Variants in SLCO1B1 observed in about 807,000 individuals in gnomAD.
SLCO1B1 encodes the protein solute carrier organic anion transporter family member 1B1.
A neutral mutation model predicts 70.1 loss-of-function variants in SLCO1B1; 81 were observed. The observed-to-expected ratio is 1.16, with a 90% CI of 0.97 to 1.39. The LOEUF (loss-of-function observed/expected upper bound fraction) is 1.39. SLCO1B1 is among the 40% of genes most tolerant of loss of function. The probability of loss-of-function intolerance (pLI) is 0.00; values close to 1 mark genes in which losing one functional copy is unlikely to be tolerated. For synonymous variants in SLCO1B1, 283 were observed against 271.5 expected (o/e 1.04, Z -0.42); for missense variants, 895 against 799.6 (o/e 1.12, Z -1.44).
rs1400113257 is a variant in SLCO1B1, at chr12:21,141,415, G to T, written c.-61-99G>T. 10 of 515,014 alleles carry T rather than the reference G, an allele frequency of 1.9e-5. No homozygotes were observed. In the Admixed American group the frequency reaches 2.7e-4, roughly 14 times the overall value. The allele number at this position is 515,014 out of a possible 1,614,324, so 31.9% of individuals were successfully genotyped here. A position where few individuals can be genotyped will look rare whatever the true frequency, so the allele number is the denominator to read the frequency against. On this transcript the variant is annotated intron_variant, in intron 1 of 14. Transcript: ENST00000256958. ...CATAGTAGACCCTGAGTGAATGTTA[G>T]TGAATGGTTGATTGATTGATGATGA...
At chr12:21,179,102 C>A in intron 7 of SLCO1B1, 82 bp downstream of exon 7, 1 of 854,082 alleles carries the variant, frequency 1.2e-6, no homozygotes, top group Non-Finnish European at 2.0e-6. Context: ...TAACTGAATT[C>A]ACTCTTTCAA....
chr12:21,174,470 AG>A, intron 3 of SLCO1B1, 106 bp from the exon 4 acceptor site: 1 of 1,024,648 alleles, frequency 9.8e-7, no homozygotes. Context: ...ATTGTCTTTG[AG>A]GGAAGGCACT....
chr12:21,182,138 A>G (rs1253947512), intron 7 of SLCO1B1, among the ~76,000 whole-genome samples: 1 of 152,158 alleles, frequency 6.6e-6, no homozygotes, highest in Non-Finnish European at 1.5e-5. Context: ...GAAGAGAGAG[A>G]AAGCTGGAAA....
chr12:21,224,661 A>G, intron 13 of SLCO1B1, 61 bp from the exon 14 acceptor site: 16 of 974,784 alleles, frequency 1.6e-5, no homozygotes, highest in Non-Finnish European at 2.7e-5. Flanking sequence ...AATGTGGAAT[A>G]TCATGCAGTT....
intron 7 of SLCO1B1, among the ~76,000 whole-genome samples, chr12:21,195,727 A>G (rs149002645): frequency 1.3e-5 from 2 of 152,222 alleles, no homozygotes; most frequent in East Asian, 1.9e-4. Context: ...GCCCTAAGCT[A>G]TGGGCCAGGA....
intron 7 of SLCO1B1, among the ~76,000 whole-genome samples, chr12:21,187,668 GA>G (rs34413949): frequency 0.11 from 16,286 of 149,452 alleles, 1,716 homozygotes; most frequent in East Asian, 0.57. Context: ...TTGTTATAGG[GA>G]AAAAAAAAAG....
At position 21,134,984 on chromosome 12, in the gene SLCO1B1, T is replaced by G. The variant is rs186221951; in HGVS notation, c.-62+3748T>G. Among the ~76,000 whole-genome samples, 16 of 152,352 alleles carry G rather than the reference T, an allele frequency of 1.1e-4. 1 individual carries two copies. Among genetic ancestry groups the G allele is most frequent in the Middle Eastern group, 3.4e-3 (1 of 294 alleles). Reference sequence around the variant, plus strand: ...TTGTGGGCATTTAGTGCTATAAATTTCCCTCTACACACTGCTTTAAATGTG... The same window carrying G: ...TTGTGGGCATTTAGTGCTATAAATTGCCCTCTACACACTGCTTTAAATGTG... On this transcript the variant is annotated intron_variant, in intron 1 of 14. Transcript: ENST00000256958.
At chr12:21,140,655 G>C (rs1324150600) in intron 1 of SLCO1B1, among the ~76,000 whole-genome samples, 1 of 151,840 alleles carries the variant, frequency 6.6e-6, no homozygotes, top group Non-Finnish European at 1.5e-5. Flanking sequence ...TTAATACCCT[G>C]CTACCATAAG....
intron 12 of SLCO1B1, among the ~76,000 whole-genome samples, chr12:21,219,207 T>C (rs1245346102): frequency 6.6e-6 from 1 of 151,600 alleles, no homozygotes; most frequent in East Asian, 1.9e-4. Context: ...GTTAAGAAAA[T>C]AGAAAAAAAT....
intron 9 of SLCO1B1, 45 bp downstream of exon 9, chr12:21,200,717 C>A: frequency 6.6e-7 from 1 of 1,504,054 alleles, no homozygotes; most frequent in South Asian, 1.2e-5. Flanking sequence ...TGAAATAATA[C>A]TAAATACTGT....
chr12:21,168,285 TTTTC>T (rs1270302881), intron 2 of SLCO1B1, among the ~76,000 whole-genome samples: 3 of 152,230 alleles, frequency 2.0e-5, no homozygotes. Flanking sequence ...GTATACCACA[TTTTC>T]TTTATTCATT....
At chr12:21,136,844 C>T (rs1471582995) in intron 1 of SLCO1B1, among the ~76,000 whole-genome samples, 4 of 152,212 alleles carry the variant, frequency 2.6e-5, no homozygotes, top group African/African-American at 9.6e-5. Context: ...CAAAGTCATT[C>T]TCCATCCAGC....
rs78819255 is a variant in SLCO1B1, at chr12:21,169,078, A to T, written c.85-3572A>T. 0.024 allele frequency among the ~76,000 whole-genome samples: 3,599 copies of T among 152,180 alleles called. 371 individuals carry two copies. The East Asian group carries it at 0.33, about 14-fold the overall frequency. On this transcript the variant is annotated intron_variant, in intron 2 of 14. Coordinates refer to ENST00000256958, the MANE Select transcript of SLCO1B1 (RefSeq NM_006446.5). Reference sequence around the variant, plus strand: ...TAAGGGCCCAATTTCATTTCATTGCATGTGGGTATCCAGTTTCCCAAACAT... The same window carrying T: ...TAAGGGCCCAATTTCATTTCATTGCTTGTGGGTATCCAGTTTCCCAAACAT...
chr12:21,172,328 C>T (rs899403052), intron 2 of SLCO1B1, among the ~76,000 whole-genome samples: 4 of 152,134 alleles, frequency 2.6e-5, no homozygotes, highest in Admixed American at 6.5e-5. Context: ...AAGAATAGCT[C>T]ACCATCATGG....
At chr12:21,187,211 C>T (rs1049624511) in intron 7 of SLCO1B1, among the ~76,000 whole-genome samples, 1 of 152,068 alleles carries the variant, frequency 6.6e-6, no homozygotes, top group African/African-American at 2.4e-5. Flanking sequence ...TAAGGTCAGG[C>T]TTATTATCAA....
At chr12:21,153,910 G>A (rs936752616) in intron 2 of SLCO1B1, among the ~76,000 whole-genome samples, 2 of 151,680 alleles carry the variant, frequency 1.3e-5, no homozygotes, top group Admixed American at 6.6e-5. Context: ...TTACTATCAC[G>A]AAGAATTTCT....
chr12:21,203,128 AAAC>A (rs1290816721), intron 10 of SLCO1B1, among the ~76,000 whole-genome samples: 1 of 152,144 alleles, frequency 6.6e-6, no homozygotes, highest in East Asian at 1.9e-4. Flanking sequence ...AAAAGTGACT[AAAC>A]AACTTTTATC....
Position 21,224,792 on chromosome 12 carries a change from C to G in SLCO1B1, c.1818C>G (p.Asn606Lys). The G allele has an allele frequency of 6.2e-7, 1 of 1,611,382 alleles. No homozygotes were observed. The highest frequency in any genetic ancestry group is 8.5e-7 in the Non-Finnish European group (1 of 1,178,288). ...CGTGTATAAAGTGGTCCACCAACAA[C>G]TGTGGCACACGTGGGTCATGTAGGA... ...DTTCIKWSTNNCGTRGSCRTY... is the reference protein window; with the variant it reads ...DTTCIKWSTNKCGTRGSCRTY... The change falls in exon 14 of 15, where the codon AAC (asparagine) becomes AAG (lysine). Residue 606 changes from asparagine (N) to lysine (K), a missense_variant. Transcript: ENST00000256958.
intron 2 of SLCO1B1, among the ~76,000 whole-genome samples, chr12:21,155,098 C>T (rs1224356566): frequency 7.0e-5 from 2 of 28,578 alleles, no homozygotes; most frequent in East Asian, 2.0e-3. Flanking sequence ...TCTCAACCTG[C>T]ATTTTTTGTT....
Sources: gnomAD v4.1 joint callset for allele counts (sites outside exome capture counted in the v4.1 genomes callset) on GRCh38, gnomAD v4.1.1 for gene constraint, MANE v1.5 for transcripts, NCBI Gene and HGNC (gene_info 2026-07-23, HGNC 2026-07-21) for gene names.